Variants in STAP2 observed in about 807,000 individuals in gnomAD.
The protein encoded by STAP2 is signal-transducing adaptor protein 2.
STAP2 carries 58 observed loss-of-function variants against 52.7 expected under a neutral mutation model. The ratio of observed to expected loss-of-function variants is 1.10; its 90% CI spans 0.89 to 1.37. The LOEUF (loss-of-function observed/expected upper bound fraction) is 1.37, where lower values mean the gene tolerates loss of function less well. STAP2 is among the 40% of genes most tolerant of loss of function. The pLI, the probability that STAP2 is intolerant of heterozygous loss-of-function variation, is 0.00. For missense variants in STAP2, 522 were observed against 519.4 expected (o/e 1.00, Z -0.05); for synonymous variants, 231 against 210.5 (o/e 1.10, Z -0.84).
rs200645754 is a variant in STAP2 at position 4,325,454 on chromosome 19, T to C, written c.921A>G (p.Glu307=). 413 of 1,614,080 alleles carry C rather than the reference T, an allele frequency of 2.6e-4. 2 individuals are homozygous for C. In the East Asian group the frequency reaches 8.7e-3, roughly 34 times the overall value. ...LPPLPPLPNQ[E]ENYVTPIGDG... The stretch of plus-strand genomic sequence containing the variant: ...CTCCAATGGGGGTCACGTAGTTCTC[T>C]TCCTGGTTCGGTAGTGGGGGCAGTG... Residue 307 remains glutamate, a synonymous_variant, in exon 10 of 13, where the codon GAA becomes GAG. Transcript: ENST00000594605.
At position 4,328,675 on chromosome 19, in the gene STAP2, C is replaced by T. The variant is rs1394416605; in HGVS notation, c.590G>A (p.Gly197Glu). The T allele has an allele frequency of 5.0e-6, 8 of 1,597,002 alleles. No homozygotes were observed. The highest frequency in any genetic ancestry group is 6.0e-6 in the Non-Finnish European group (7 of 1,172,544). Residue 197 changes from glycine to glutamate, a missense_variant and splice_region_variant, in exon 6 of 13, where the codon GGG becomes GAG. Gly to Glu is a moderately conservative substitution (Grantham distance 98). Transcript: ENST00000594605. ...GGGCTCTCCAGACGCGCATGCGCAC[C>T]CGTTGTGCATCTGCCGCGTGGTGAC... ...VSVTTRQMHN[G>E]THVVRHYKVK...
rs1417213220 is a variant in STAP2, at chr19:4,330,054, A to G, written c.362T>C (p.Val121Ala). Residue 121 changes from valine to alanine, a missense_variant, in exon 5 of 13, where the codon GTC becomes GCC. By Grantham distance (64) the Val-to-Ala change is moderately conservative (BLOSUM62 0). Transcript: ENST00000594605. The stretch of plus-strand genomic sequence containing the variant: ...AGGAAGCAGGGTCAAGTCGGTCGGG[A>G]CACGGAGCTGAGGGGCGATCGAGGG... ...GFILTVVELRVPTDLTLLPGH... is the reference protein window; with the variant it reads ...GFILTVVELRAPTDLTLLPGH... The G allele has an allele frequency of 1.2e-6, 2 of 1,613,430 alleles. No individual in the cohort carries two copies. The highest frequency in any genetic ancestry group is 1.7e-6 in the Non-Finnish European group (2 of 1,179,942).
In STAP2 at chr19:4,327,212, G is replaced by A; in HGVS notation, c.675C>T (p.Ser225=). 2.5e-6 allele frequency: 4 copies of A among 1,614,204 alleles called. No individual in the cohort carries two copies. The highest frequency in any genetic ancestry group is 2.7e-5 in the African/African-American group (2 of 75,054). Residue 225 remains serine, a synonymous_variant, in exon 8 of 13, where the codon TCC becomes TCT. Coordinates refer to ENST00000594605, the MANE Select transcript of STAP2 (RefSeq NM_001013841.2). ...CGAAATAGTTGACCACGGCGTCCAG[G>A]GAGGTGCAAGAGAACTGGGGGCAGA... is the stretch of plus-strand genomic sequence containing the variant. ...IDVEQPFSCT[S]LDAVVNYFVS...
At chr19:4,337,016 A>G (rs1971990760) in intron 1 of STAP2, among the ~76,000 whole-genome samples, 1 of 152,080 alleles carries the variant, frequency 6.6e-6, no homozygotes, top group South Asian at 2.1e-4. Context: ...GTATGGAGGT[A>G]GAAGGAAAGT....
chr19:4,331,170 A>C (rs1169517986), intron 4 of STAP2, among the ~76,000 whole-genome samples: 1 of 151,936 alleles, frequency 6.6e-6, no homozygotes, highest in East Asian at 1.9e-4. Context: ...CTCTACAAAA[A>C]AATTTTTAAA....
chr19:4,329,837 C>T, intron 5 of STAP2, 124 bp downstream of exon 5: 1 of 408,234 alleles, frequency 2.4e-6, no homozygotes, highest in South Asian at 2.7e-5. Context: ...CCCCCAGCCC[C>T]AAGGCAGTCC....
chr19:4,328,453 GCT>G, intron 6 of STAP2, among the ~76,000 whole-genome samples: 1 of 68,410 alleles, frequency 1.5e-5, no homozygotes, highest in Non-Finnish European at 2.8e-5. Context: ...GCCCAGCCCA[GCT>G]CTGACTCCTC....
chr19:4,330,839 C>G (rs1034515597), intron 4 of STAP2, among the ~76,000 whole-genome samples: 1 of 151,228 alleles, frequency 6.6e-6, no homozygotes, highest in Non-Finnish European at 1.5e-5. Context: ...CTCAGCCTCC[C>G]GAGTAGCTGG....
At chr19:4,326,843 C>G (rs1222210769) in intron 9 of STAP2, 99 bp downstream of exon 9, 5 of 1,418,412 alleles carry the variant, frequency 3.5e-6, no homozygotes, top group Middle Eastern at 2.4e-4. Flanking sequence ...TTGGGAACAT[C>G]AGATGCAGGA....
chr19:4,335,453 C>T (rs1485396844), intron 1 of STAP2, among the ~76,000 whole-genome samples: 1 of 151,586 alleles, frequency 6.6e-6, no homozygotes, highest in East Asian at 1.9e-4. Flanking sequence ...CATCCACCCA[C>T]TTGTATATGC....
At position 4,328,753 on chromosome 19, in the gene STAP2, T is replaced by C; in HGVS notation, c.512A>G (p.Glu171Gly). 4 of 1,610,522 alleles carry C rather than the reference T, an allele frequency of 2.5e-6. No homozygotes were observed. The highest frequency in any genetic ancestry group is 3.4e-6 in the Non-Finnish European group (4 of 1,179,036). Residue 171 changes from glutamate to glycine, a missense_variant, in exon 6 of 13, where the codon GAG (glutamate) becomes GGG (glycine). Glu to Gly is a moderately conservative substitution (Grantham distance 98). Coordinates refer to ENST00000594605, the MANE Select transcript of STAP2 (RefSeq NM_001013841.2). ...GGGCCGCAGCAGCAGGTTCCCGCAC[T>C]CGGGGTAGCGCTCCAGGAGCAGTTG... Reference protein sequence around the residue: ...EAQLLLERYPECGNLLLRPSG... With the variant: ...EAQLLLERYPGCGNLLLRPSG...
At chr19:4,330,192 G>A in intron 4 of STAP2, 131 bp from the exon 5 acceptor site, 3 of 686,748 alleles carry the variant, frequency 4.4e-6, no homozygotes, top group Non-Finnish European at 7.8e-6. Flanking sequence ...GGGCAAAGAG[G>A]GCTTCGAGAG....
chr19:4,334,308 A>AC (rs1445648862), intron 1 of STAP2, among the ~76,000 whole-genome samples: 3 of 152,048 alleles, frequency 2.0e-5, no homozygotes, highest in Admixed American at 6.6e-5. Context: ...ATTCAGAGCA[A>AC]CCCCCGCCAA....
chr19:4,330,889 A>G (rs556717991), intron 4 of STAP2, among the ~76,000 whole-genome samples: 1 of 151,620 alleles, frequency 6.6e-6, no homozygotes. Flanking sequence ...TGATTTTTGT[A>G]TTTTTAGTAG....
At chr19:4,328,630 T>TCCCCCCCC in intron 6 of STAP2, 45 bp downstream of exon 6, 1 of 1,541,500 alleles carries the variant, frequency 6.5e-7, no homozygotes, top group Non-Finnish European at 8.8e-7. Flanking sequence ...CCCACCCTCT[T>TCCCCCCCC]CCCACCCTCC....
Position 4,338,807 on chromosome 19 carries a change from G to A in STAP2, c.-54C>T. 6.4e-7 allele frequency: 1 copy of A among 1,573,574 alleles called. No individual in the cohort carries two copies. Among genetic ancestry groups the A allele is most frequent in the Non-Finnish European group, 8.7e-7 (1 of 1,155,718 alleles). On this transcript the variant is annotated 5_prime_UTR_variant, in exon 1 of 13. Transcript: ENST00000594605. ...CTCCTTCCAGTGGGTGCCCCAGCTG[G>A]GCCGGGAAGCTGAGAAACAGGTTTC...
chr19:4,330,704 T>C (rs1971875640), intron 4 of STAP2, among the ~76,000 whole-genome samples: 1 of 147,884 alleles, frequency 6.8e-6, no homozygotes. Flanking sequence ...ATAAATGATG[T>C]CAGCTAATTT....
intron 3 of STAP2, among the ~76,000 whole-genome samples, chr19:4,332,729 T>C (rs1250203026): frequency 6.6e-6 from 1 of 151,688 alleles, no homozygotes; most frequent in Non-Finnish European, 1.5e-5. Flanking sequence ...TTGGCTGAGG[T>C]AGGAGGATCG....
intron 12 of STAP2, 103 bp from the exon 13 acceptor site, chr19:4,324,300 G>T: frequency 1.5e-6 from 2 of 1,346,262 alleles, no homozygotes; most frequent in Non-Finnish European, 2.1e-6. Flanking sequence ...GCAGGGCCCC[G>T]TGCAACAGGA....
Sources: gnomAD v4.1 joint callset for allele counts (sites outside exome capture counted in the v4.1 genomes callset) on GRCh38, gnomAD v4.1.1 for gene constraint, MANE v1.5 for transcripts, NCBI Gene and HGNC (gene_info 2026-07-23, HGNC 2026-07-21) for gene names.